Variants in MINAR1 observed in about 807,000 individuals in gnomAD.
MINAR1 encodes major intrinsically disordered Notch2-binding receptor 1.
A neutral mutation model predicts 65.1 loss-of-function variants in MINAR1; 40 were observed. The observed-to-expected ratio is 0.61, with a 90% CI of 0.48 to 0.80. MINAR1 has a LOEUF of 0.80. MINAR1 is among the 30% of genes least tolerant of loss of function. The pLI, the probability that MINAR1 is intolerant of heterozygous loss-of-function variation, is 0.00. For synonymous variants in MINAR1, 482 were observed against 449.1 expected, an observed-to-expected ratio of 1.07 and a Z score of -0.93; for missense variants, 1,128 against 1,148.0, an observed-to-expected ratio of 0.98 and a Z score of 0.25.
chr15:79,450,337 T>C (rs987431346), intron 1 of MINAR1, among the ~76,000 whole-genome samples: 10 of 152,106 alleles, frequency 6.6e-5, no homozygotes, highest in African/African-American at 2.2e-4. Flanking sequence ...AAACAAGTTT[T>C]AGTGGGGGCT....
chr15:79,452,700 CTGGATGAGTGTGTGGGTG>C (rs1465494139), intron 1 of MINAR1, among the ~76,000 whole-genome samples: 1 of 79,416 alleles, frequency 1.3e-5, no homozygotes, highest in East Asian at 6.4e-4. Context: ...GTGTGGGTGT[CTGGATGAGTGTGTGGGTG>C]TGGGTGAGTC....
chr15:79,449,171 G>A lies in MINAR1; in HGVS notation c.-50-6927G>A, dbSNP rs1244311275. On this transcript the variant is annotated intron_variant, in intron 1 of 3. Coordinates refer to ENST00000305428, the MANE Select transcript of MINAR1 (RefSeq NM_015206.3). Reference sequence around the variant, plus strand: ...TGGAGTTCTTCCCTTCGCTGTATACGGGTAGGAGGTTTTGAAAGGGGCTAA... The same window carrying A: ...TGGAGTTCTTCCCTTCGCTGTATACAGGTAGGAGGTTTTGAAAGGGGCTAA... Among the ~76,000 whole-genome samples, 5 of 152,304 alleles carry A rather than the reference G, an allele frequency of 3.3e-5. No individual in the cohort carries two copies. In the South Asian group the frequency reaches 8.3e-4, roughly 25 times the overall value.
intron 1 of MINAR1, among the ~76,000 whole-genome samples, chr15:79,447,469 TA>T (rs58660049): frequency 0.25 from 37,943 of 151,900 alleles, 6,385 homozygotes; most frequent in African/African-American, 0.49. Context: ...TGGATTCATT[TA>T]TTTTAGGTTC....
intron 3 of MINAR1, chr15:79,463,810 A>C: frequency 2.2e-6 from 1 of 451,952 alleles, no homozygotes. Context: ...GCTGGAGGGC[A>C]TGTTTTTTGT....
Position 79,456,944 on chromosome 15 carries a change from A to G in MINAR1, c.797A>G (p.Asn266Ser), listed in dbSNP as rs752991331. Residue 266 changes from asparagine to serine, a missense_variant, in exon 2 of 4, where the codon AAT (asparagine) becomes AGT (serine). Asn to Ser is a conservative substitution (Grantham distance 46). Coordinates refer to ENST00000305428, the MANE Select transcript of MINAR1 (RefSeq NM_015206.3). ...AATATCTTCAAAGAGGATTTTCACA[A>G]TTTGATGGCAGTGTCCCCCAGTTTG... ...KRNIFKEDFH[N>S]LMAVSPSLVG... The G allele has an allele frequency of 9.9e-6, 16 of 1,614,030 alleles. No individual in the cohort carries two copies. In the Admixed American group the frequency reaches 1.7e-4, roughly 17 times the overall value.
At chr15:79,428,258 C>CTCCTTCTTCTT (rs1555426388), upstream of MINAR1, among the ~76,000 whole-genome samples, 16 of 97,412 alleles carry the variant, frequency 1.6e-4, 1 homozygote, top group South Asian at 4.1e-3. Context: ...CCCTCCTTCC[C>CTCCTTCTTCTT]TCCTTCCTTT....
At chr15:79,437,366 G>A (rs1048717328) in intron 1 of MINAR1, among the ~76,000 whole-genome samples, 8 of 151,966 alleles carry the variant, frequency 5.3e-5, no homozygotes, top group African/African-American at 1.9e-4. Context: ...GGTGGGATAG[G>A]TAGTGAGTGG....
Position 79,457,448 on chromosome 15 carries a change from G to GGCTCAAATC in MINAR1, c.1302_1310dup (p.Leu435_Ser437dup), listed in dbSNP as rs746759999. The GGCTCAAATC allele has an allele frequency of 1.2e-6, 2 of 1,613,982 alleles. No homozygotes were observed. Among genetic ancestry groups the GGCTCAAATC allele is most frequent in the East Asian group, 4.5e-5 (2 of 44,892 alleles). ...ATTGCTTATGCGGCAAAACAAAATG[G>GGCTCAAATC]GCTCAAATCTAAAGAGATCTCATCC... is the stretch of plus-strand genomic sequence containing the variant. On this transcript the variant is annotated inframe_insertion, in exon 2 of 4. Transcript: ENST00000305428.
At chr15:79,448,455 T>A (rs1383811814) in intron 1 of MINAR1, among the ~76,000 whole-genome samples, 2 of 152,204 alleles carry the variant, frequency 1.3e-5, no homozygotes, top group African/African-American at 4.8e-5. Context: ...CCTAAATTGA[T>A]AGCTTCCTTT....
chr15:79,435,904 C>T (rs1894586945), intron 1 of MINAR1, among the ~76,000 whole-genome samples: 1 of 152,232 alleles, frequency 6.6e-6, no homozygotes, highest in Admixed American at 6.5e-5. Flanking sequence ...AAGATTCTGG[C>T]TGTCTCTGCT....
chr15:79,440,307 G>A (rs1894834773), intron 1 of MINAR1, among the ~76,000 whole-genome samples: 1 of 152,160 alleles, frequency 6.6e-6, no homozygotes, highest in Non-Finnish European at 1.5e-5. Flanking sequence ...GACTGCACCT[G>A]GTAGCCTTCT....
In MINAR1 at chr15:79,456,414, G is replaced by A. The variant is rs201787786; in HGVS notation, c.267G>A (p.Thr89=). Residue 89 remains threonine (T), a synonymous_variant, in exon 2 of 4, where the codon ACG becomes ACA. Transcript: ENST00000305428. ...TCATGGTGGCAGCAGATATTGTGAC[G>A]ATATTCAACCTGATCCAAATGAATG... ...KKIMVAADIV[T]IFNLIQMNGG... is the part of the protein sequence containing the mutation. The A allele has an allele frequency of 1.2e-5, 19 of 1,614,198 alleles. No homozygotes were observed. The East Asian group carries it at 1.8e-4, about 15-fold the overall frequency.
At chr15:79,423,275 C>T in the MINAR1 span, 1 of 152,044 alleles carries the variant, frequency 6.6e-6, no homozygotes, top group African/African-American at 2.4e-5. Context: ...AACAAATTAA[C>T]ATGTAAGATA....
In MINAR1 at chr15:79,469,456, C is replaced by T. The variant is rs1296025228; in HGVS notation, c.*1072C>T. On this transcript the variant is annotated 3_prime_UTR_variant, in exon 4 of 4. Coordinates refer to ENST00000305428, the MANE Select transcript of MINAR1 (RefSeq NM_015206.3). ...AATAATAAAGGCACTGAGGTCTTCT[C>T]AGTTACCCCAACACCTACTCCAGAG... 1 of 152,588 alleles carries T rather than the reference C, an allele frequency of 6.6e-6. No homozygotes were observed. The highest frequency in any genetic ancestry group is 1.5e-5 in the Non-Finnish European group (1 of 68,024). 9.5% of individuals were successfully genotyped at this position (152,588 alleles called of 1,614,324 possible).
Position 79,463,260 on chromosome 15 carries a change from C to G in MINAR1, c.2492C>G (p.Thr831Ser), listed in dbSNP as rs756696344. ...AEVKRGQPSW[T>S]IEEYARNAGD... ...GTGAAGCGGGGCCAACCTTCTTGGA[C>G]CATTGAGGAGTATGCACGGAATGCG... Residue 831 changes from threonine to serine, a missense_variant, in exon 3 of 4, where the codon ACC becomes AGC. Thr to Ser is a moderately conservative substitution (Grantham distance 58). Transcript: ENST00000305428. The G allele has an allele frequency of 4.3e-6, 7 of 1,614,182 alleles. No individual in the cohort carries two copies. Among genetic ancestry groups the G allele is most frequent in the Non-Finnish European group, 5.9e-6 (7 of 1,180,042 alleles).
chr15:79,463,828 C>A (rs1253635073), intron 3 of MINAR1: 1 of 449,320 alleles, frequency 2.2e-6, no homozygotes, highest in African/African-American at 2.0e-5. Context: ...TGTTCACCCA[C>A]AAGCAGGGCT....
chr15:79,450,151 A>G (rs1047270730), intron 1 of MINAR1, among the ~76,000 whole-genome samples: 3 of 152,166 alleles, frequency 2.0e-5, no homozygotes, highest in Non-Finnish European at 4.4e-5. Flanking sequence ...CACTAGCTCT[A>G]CATGTGCCTT....
intron 1 of MINAR1, among the ~76,000 whole-genome samples, chr15:79,436,129 T>C (rs113661818): frequency 0.012 from 1,829 of 152,348 alleles, 40 homozygotes; most frequent in African/African-American, 0.042. Flanking sequence ...GGAGCAGAGC[T>C]TCTTGCTGAC....
intron 1 of MINAR1, among the ~76,000 whole-genome samples, chr15:79,442,575 C>A (rs1350765522): frequency 7.0e-6 from 1 of 143,234 alleles, no homozygotes; most frequent in Admixed American, 7.0e-5. Flanking sequence ...ACATGCATGG[C>A]CTTGCCCCAT....
Sources: allele counts gnomAD v4.1 joint callset (sites outside exome capture counted in the v4.1 genomes callset), GRCh38; gene constraint gnomAD v4.1.1; transcripts MANE v1.5; gene names NCBI Gene and HGNC (gene_info 2026-07-23, HGNC 2026-07-21).